KCNB2: variants seen among roughly 807,000 people sequenced by gnomAD.
KCNB2 encodes potassium voltage-gated channel subfamily B member 2, also known as delayed rectifier potassium channel protein.
Under a neutral mutation model 61.5 loss-of-function variants are expected in KCNB2, and 15 were observed. The observed-to-expected ratio is 0.24, with a 90% CI of 0.16 to 0.38. The LOEUF (loss-of-function observed/expected upper bound fraction) is 0.38, where lower values mean the gene tolerates loss of function less well. KCNB2 is among the 10% of genes least tolerant of loss of function. The pLI, the probability that KCNB2 is intolerant of heterozygous loss-of-function variation, is 1.00. For synonymous variants in KCNB2, 457 were observed against 446.0 expected, an observed-to-expected ratio of 1.02 and a Z score of -0.31; for missense variants, 828 against 1,125.2, an observed-to-expected ratio of 0.74 and a Z score of 3.78.
intron 2 of KCNB2, among the ~76,000 whole-genome samples, chr8:72,647,237 A>T (rs551011724): frequency 6.6e-6 from 1 of 152,268 alleles, no homozygotes; most frequent in African/African-American, 2.4e-5. Flanking sequence ...GGCACTCTCT[A>T]CTAAGGAAAC....
At chr8:72,920,461 C>CTATATATATATATATATATATATA (rs1210179232) in intron 2 of KCNB2, among the ~76,000 whole-genome samples, 1 of 72,596 alleles carries the variant, frequency 1.4e-5, no homozygotes, top group East Asian at 2.6e-4. Context: ...ATCTATCTAT[C>CTATATATATATATATATATATATA]TATCTATCTA....
chr8:72,637,964 C>T (rs1805992785), intron 2 of KCNB2, among the ~76,000 whole-genome samples: 1 of 152,106 alleles, frequency 6.6e-6, no homozygotes, highest in African/African-American at 2.4e-5. Context: ...TGTTTCCTTC[C>T]TCCTCCTCTC....
At chr8:72,778,110 A>T (rs1451152179) in intron 2 of KCNB2, among the ~76,000 whole-genome samples, 1 of 152,204 alleles carries the variant, frequency 6.6e-6, no homozygotes, top group East Asian at 1.9e-4. Context: ...CATGAGAGTT[A>T]ATAGCTCCTG....
At chr8:72,561,753 A>ACG (rs1806529961) in intron 1 of KCNB2, among the ~76,000 whole-genome samples, 2 of 24,336 alleles carry the variant, frequency 8.2e-5, no homozygotes, top group African/African-American at 3.6e-4. Flanking sequence ...ATATGTATAT[A>ACG]TATATATGGA....
intron 2 of KCNB2, among the ~76,000 whole-genome samples, chr8:72,675,845 C>T (rs1806645197): frequency 1.3e-5 from 2 of 152,142 alleles, no homozygotes; most frequent in African/African-American, 2.4e-5. Flanking sequence ...AGTCACCGCG[C>T]CTGGCCTGCA....
intron 2 of KCNB2, among the ~76,000 whole-genome samples, chr8:72,749,684 A>G (rs544679510): frequency 2.7e-5 from 4 of 148,904 alleles, no homozygotes; most frequent in Non-Finnish European, 4.4e-5. Flanking sequence ...TTTTTTTACT[A>G]TGTAATATTT....
At chr8:72,901,459 C>T (rs1806092712) in intron 2 of KCNB2, among the ~76,000 whole-genome samples, 1 of 152,112 alleles carries the variant, frequency 6.6e-6, no homozygotes, top group African/African-American at 2.4e-5. Flanking sequence ...TTTTTACCAC[C>T]TTTTCTGCAC....
At chr8:72,771,033 A>C (rs911503040) in intron 2 of KCNB2, among the ~76,000 whole-genome samples, 5 of 152,226 alleles carry the variant, frequency 3.3e-5, no homozygotes, top group Admixed American at 6.5e-5. Flanking sequence ...TGTCGCAGAA[A>C]AAAGCTCCCA....
At chr8:72,675,424 T>G (rs1585822565) in intron 2 of KCNB2, among the ~76,000 whole-genome samples, 1 of 152,234 alleles carries the variant, frequency 6.6e-6, no homozygotes, top group East Asian at 1.9e-4. Flanking sequence ...GAAGTCTAGG[T>G]GGTTGCAGGC....
intron 1 of KCNB2, among the ~76,000 whole-genome samples, chr8:72,557,241 T>G (rs1176022874): frequency 3.3e-5 from 5 of 152,144 alleles, no homozygotes; most frequent in African/African-American, 9.7e-5. Flanking sequence ...CCATCCCAAT[T>G]ACTGCCCAGC....
chr8:72,562,665 A>G (rs546457106), intron 1 of KCNB2, among the ~76,000 whole-genome samples: 2 of 152,324 alleles, frequency 1.3e-5, no homozygotes, highest in South Asian at 2.1e-4. Context: ...CTGACAATTT[A>G]TGTTTATAAA....
At chr8:72,808,613 A>G (rs984217942) in intron 2 of KCNB2, among the ~76,000 whole-genome samples, 3 of 152,228 alleles carry the variant, frequency 2.0e-5, no homozygotes, top group Admixed American at 6.5e-5. Context: ...GCAATTAGAA[A>G]TATTAGCCAT....
chr8:72,723,859 A>T (rs1807589489), intron 2 of KCNB2, among the ~76,000 whole-genome samples: 1 of 152,220 alleles, frequency 6.6e-6, no homozygotes, highest in African/African-American at 2.4e-5. Flanking sequence ...ACTGGCAATT[A>T]TCTGAAGAGG....
intron 2 of KCNB2, among the ~76,000 whole-genome samples, chr8:72,695,771 T>G (rs1807008789): frequency 6.6e-6 from 1 of 152,200 alleles, no homozygotes; most frequent in African/African-American, 2.4e-5. Flanking sequence ...GACACATCAG[T>G]ATATTCATAA....
intron 2 of KCNB2, among the ~76,000 whole-genome samples, chr8:72,745,829 T>TC (rs1263169551): frequency 1.3e-5 from 2 of 152,036 alleles, no homozygotes; most frequent in African/African-American, 4.8e-5. Context: ...GCATAGCCAG[T>TC]CCCCTCCCTT....
intron 2 of KCNB2, among the ~76,000 whole-genome samples, chr8:72,649,822 G>A (rs181541185): frequency 9.9e-5 from 15 of 152,214 alleles, no homozygotes; most frequent in African/African-American, 3.1e-4. Context: ...ACATGATCAA[G>A]TGATTAATAA....
intron 2 of KCNB2, among the ~76,000 whole-genome samples, chr8:72,812,223 G>A (rs1192614916): frequency 1.3e-5 from 2 of 151,684 alleles, no homozygotes; most frequent in South Asian, 2.1e-4. Flanking sequence ...AGCAGAGATC[G>A]CACCACTGCC....
At chr8:72,604,200 G>A (rs1175753464) in intron 2 of KCNB2, among the ~76,000 whole-genome samples, 1 of 152,140 alleles carries the variant, frequency 6.6e-6, no homozygotes, top group African/African-American at 2.4e-5. Flanking sequence ...CTACTCCATA[G>A]AGTTTTATAT....
chr8:72,782,984 CTAAT>C (rs903369256), intron 2 of KCNB2, among the ~76,000 whole-genome samples: 2 of 152,118 alleles, frequency 1.3e-5, no homozygotes, highest in African/African-American at 4.8e-5. Flanking sequence ...GGATTCAGAG[CTAAT>C]TAGAGTTGTA....
Sources: gnomAD v4.1 joint callset for allele counts (sites outside exome capture counted in the v4.1 genomes callset) on GRCh38, gnomAD v4.1.1 for gene constraint, MANE v1.5 for transcripts, NCBI Gene and HGNC (gene_info 2026-07-23, HGNC 2026-07-21) for gene names.